PDE7A: variants seen among roughly 807,000 people sequenced by gnomAD.
PDE7A encodes phosphodiesterase 7A, also known as high affinity 3',5'-cyclic-AMP phosphodiesterase 7A.
A neutral mutation model predicts 64.3 loss-of-function variants in PDE7A; 39 were observed. The observed-to-expected ratio is 0.61, with a 90% CI of 0.47 to 0.79. PDE7A has a LOEUF of 0.79. Among genes scored for constraint, PDE7A ranks in the 30% least tolerant of loss-of-function variants. The pLI is 0.00. For missense variants in PDE7A, 470 were observed against 582.8 expected, an observed-to-expected ratio of 0.81 and a Z score of 1.99; for synonymous variants, 203 against 206.8, an observed-to-expected ratio of 0.98 and a Z score of 0.16.
At chr8:65,786,428 T>G (rs1374945622) in intron 1 of PDE7A, among the ~76,000 whole-genome samples, 1 of 152,166 alleles carries the variant, frequency 6.6e-6, no homozygotes, top group Non-Finnish European at 1.5e-5. Context: ...TCTCACTAGG[T>G]AGAATAATCT....
At chr8:65,812,102 G>A (rs1810271049) in intron 1 of PDE7A, among the ~76,000 whole-genome samples, 1 of 151,938 alleles carries the variant, frequency 6.6e-6, no homozygotes, top group South Asian at 2.1e-4. Context: ...GGCTACTCAG[G>A]AGTCTGAGGT....
intron 1 of PDE7A, among the ~76,000 whole-genome samples, chr8:65,783,569 C>T (rs146861893): frequency 1.0e-3 from 154 of 152,300 alleles, no homozygotes; most frequent in African/African-American, 3.5e-3. Context: ...ACCAAATCTA[C>T]AGCCACCTAG....
At chr8:65,802,050 T>C (rs1563513156) in intron 1 of PDE7A, among the ~76,000 whole-genome samples, 1 of 152,236 alleles carries the variant, frequency 6.6e-6, no homozygotes, top group Non-Finnish European at 1.5e-5. Flanking sequence ...TCATTTATGA[T>C]CAACACTCTA....
At chr8:65,760,992 G>A (rs1053238558) in intron 3 of PDE7A, among the ~76,000 whole-genome samples, 3 of 151,986 alleles carry the variant, frequency 2.0e-5, no homozygotes, top group African/African-American at 4.8e-5. Context: ...ACTTTCATCC[G>A]AACAATTACT....
intron 12 of PDE7A, chr8:65,721,851 C>T (rs946225573): frequency 6.1e-5 from 9 of 148,076 alleles, no homozygotes; most frequent in African/African-American, 2.3e-4. Flanking sequence ...TTCTGTCACC[C>T]AGGCTGGAAT....
At chr8:65,769,242 A>C (rs924435508) in intron 3 of PDE7A, among the ~76,000 whole-genome samples, 98 of 124,688 alleles carry the variant, frequency 7.9e-4, no homozygotes, top group Non-Finnish European at 1.3e-3. Context: ...AGCAAGACTC[A>C]GTCTCAAAAA....
intron 10 of PDE7A, 122 bp from the exon 11 acceptor site, chr8:65,724,473 T>C: frequency 1.6e-6 from 1 of 625,570 alleles, no homozygotes; most frequent in Non-Finnish European, 2.7e-6. Flanking sequence ...AATATAATTC[T>C]CCTATTTTTA....
chr8:65,795,272 C>A (rs1809808758), intron 1 of PDE7A, among the ~76,000 whole-genome samples: 1 of 152,198 alleles, frequency 6.6e-6, no homozygotes, highest in African/African-American at 2.4e-5. Flanking sequence ...TTCCTATAGG[C>A]AGTCGCCAAA....
At chr8:65,795,773 T>C (rs1163285990) in intron 1 of PDE7A, among the ~76,000 whole-genome samples, 1 of 151,742 alleles carries the variant, frequency 6.6e-6, no homozygotes, top group Non-Finnish European at 1.5e-5. Context: ...AGATGACAAA[T>C]CAAAAATTAC....
At chr8:65,749,071 A>T (rs1474327632) in intron 3 of PDE7A, among the ~76,000 whole-genome samples, 1 of 152,168 alleles carries the variant, frequency 6.6e-6, no homozygotes, top group African/African-American at 2.4e-5. Flanking sequence ...CTTCCCTGGG[A>T]AGCACATTCA....
chr8:65,788,947 C>A (rs1199558231), intron 1 of PDE7A: 1 of 1,612,514 alleles, frequency 6.2e-7, no homozygotes, highest in Non-Finnish European at 8.5e-7. Flanking sequence ...CCCATTGGAT[C>A]AATCAAAAGC....
intron 1 of PDE7A, among the ~76,000 whole-genome samples, chr8:65,790,005 C>T (rs1809657742): frequency 6.6e-6 from 1 of 152,200 alleles, no homozygotes; most frequent in South Asian, 2.1e-4. Context: ...CTGAATCTGA[C>T]CTAGTTAAGA....
At chr8:65,771,586 GCACGCAGTGGCT>G (rs1333419793) in intron 3 of PDE7A, among the ~76,000 whole-genome samples, 1 of 152,154 alleles carries the variant, frequency 6.6e-6, no homozygotes, top group East Asian at 1.9e-4. Context: ...CTGGCTGGGC[GCACGCAGTGGCT>G]CACGCGGTGG....
intron 3 of PDE7A, among the ~76,000 whole-genome samples, chr8:65,768,008 G>A (rs942999804): frequency 3.3e-5 from 5 of 152,074 alleles, no homozygotes; most frequent in African/African-American, 1.2e-4. Flanking sequence ...CCCTTAACCT[G>A]TGGGGTCTGA....
chr8:65,786,674 C>T (rs1197681861), intron 1 of PDE7A, among the ~76,000 whole-genome samples: 3 of 152,154 alleles, frequency 2.0e-5, no homozygotes, highest in Non-Finnish European at 2.9e-5. Context: ...CAAATTTCAT[C>T]AAAATCCTGT....
intron 1 of PDE7A, among the ~76,000 whole-genome samples, chr8:65,840,306 C>G (rs2128936220): frequency 6.6e-6 from 1 of 152,146 alleles, no homozygotes; most frequent in Middle Eastern, 3.4e-3. Flanking sequence ...CTTGCTCCTT[C>G]TACAAACACT....
At chr8:65,798,202 ATATAT>A (rs1168230036) in intron 1 of PDE7A, among the ~76,000 whole-genome samples, 1 of 24,558 alleles carries the variant, frequency 4.1e-5, no homozygotes, top group East Asian at 1.0e-3. Context: ...ATATATATAT[ATATAT>A]TTTTTTTTTT....
At chr8:65,815,874 C>T (rs548138371) in intron 1 of PDE7A, among the ~76,000 whole-genome samples, 2 of 152,218 alleles carry the variant, frequency 1.3e-5, no homozygotes, top group South Asian at 2.1e-4. Flanking sequence ...AATATACCTC[C>T]GACTACATCT....
chr8:65,745,544 A>C, intron 4 of PDE7A, 74 bp from the exon 5 acceptor site: 4 of 806,340 alleles, frequency 5.0e-6, no homozygotes, highest in Non-Finnish European at 8.4e-6. Context: ...TTCCATAGAG[A>C]AGTTAAAGAA....
Sources: gnomAD v4.1 joint callset for allele counts (sites outside exome capture counted in the v4.1 genomes callset) on GRCh38, gnomAD v4.1.1 for gene constraint, MANE v1.5 for transcripts, NCBI Gene and HGNC (gene_info 2026-07-23, HGNC 2026-07-21) for gene names.